ELP4: variants seen among roughly 807,000 people sequenced by gnomAD.
ELP4 encodes elongator acetyltransferase complex subunit 4.
A neutral mutation model predicts 48.9 loss-of-function variants in ELP4; 51 were observed. That is an observed-to-expected ratio of 1.04 (90% CI 0.83 to 1.32). The LOEUF (loss-of-function observed/expected upper bound fraction) is 1.32, where lower values mean the gene tolerates loss of function less well. Among genes scored for constraint, ELP4 ranks in the 40% most tolerant of loss-of-function variants. The pLI, the probability that ELP4 is intolerant of heterozygous loss-of-function variation, is 0.00. For synonymous variants in ELP4, 210 were observed against 189.2 expected, an observed-to-expected ratio of 1.11 and a Z score of -0.90; for missense variants, 519 against 514.6, an observed-to-expected ratio of 1.01 and a Z score of -0.08.
chr11:31,607,314 A>T lies in ELP4; in HGVS notation c.653+3407A>T, dbSNP rs551073312. On this transcript the variant is annotated intron_variant, in intron 5 of 9. Transcript: ENST00000640961. The stretch of plus-strand genomic sequence containing the variant: ...ACCTGAGACTCGGTAATTTATAAAG[A>T]GAGAAATTAAATATTGAACTTTCTA... Among the ~76,000 whole-genome samples, 151 of 152,338 alleles carry T rather than the reference A, an allele frequency of 9.9e-4. 1 individual carries two copies. Among genetic ancestry groups the T allele is most frequent in the African/African-American group, 3.4e-3 (143 of 41,580 alleles).
In ELP4 at chr11:31,783,555, T is replaced by G. The variant is rs773153861; in HGVS notation, c.*31T>G. On this transcript the variant is annotated 3_prime_UTR_variant, in exon 10 of 10. Transcript: ENST00000640961. ...CCTCCTTAGTCGCTGCATGCAGAAT[T>G]CTATGACACTCTAATTATGATTGCT... is the stretch of plus-strand genomic sequence containing the variant. 7 of 1,601,338 alleles carry G rather than the reference T, an allele frequency of 4.4e-6. No homozygotes were observed. The South Asian group carries it at 7.8e-5, about 18-fold the overall frequency.
At chr11:31,622,628 T>C (rs1944648222) in intron 5 of ELP4, among the ~76,000 whole-genome samples, 1 of 151,694 alleles carries the variant, frequency 6.6e-6, no homozygotes, top group Non-Finnish European at 1.5e-5. Context: ...ATGCAGTTTG[T>C]TGATAGGAAT....
intron 9 of ELP4, among the ~76,000 whole-genome samples, chr11:31,722,349 A>G (rs1946980677): frequency 6.6e-6 from 1 of 152,242 alleles, no homozygotes. Flanking sequence ...AGAGAATGAT[A>G]ATCTTGGAAA....
chr11:31,746,599 G>A (rs1470705316), intron 9 of ELP4, among the ~76,000 whole-genome samples: 4 of 152,154 alleles, frequency 2.6e-5, no homozygotes, highest in Non-Finnish European at 4.4e-5. Flanking sequence ...GGACATGGAT[G>A]AAACTGGATA....
chr11:31,593,496 T>A (rs918788783), intron 3 of ELP4, among the ~76,000 whole-genome samples: 1 of 152,044 alleles, frequency 6.6e-6, no homozygotes, highest in Non-Finnish European at 1.5e-5. Flanking sequence ...CCCCCCTACC[T>A]TGGCCTCCCA....
At chr11:31,705,129 A>T (rs1396072758) in intron 9 of ELP4, among the ~76,000 whole-genome samples, 1 of 152,218 alleles carries the variant, frequency 6.6e-6, no homozygotes, top group Non-Finnish European at 1.5e-5. Flanking sequence ...TGGGTAATTT[A>T]TAAAGAACAG....
chr11:31,549,211 G>A (rs1199843713), intron 3 of ELP4, among the ~76,000 whole-genome samples: 9 of 151,110 alleles, frequency 6.0e-5, no homozygotes, highest in Non-Finnish European at 8.9e-5. Context: ...CCCACAAAAT[G>A]GGAGAAAATT....
intron 9 of ELP4, among the ~76,000 whole-genome samples, chr11:31,718,150 T>C (rs964794022): frequency 7.2e-5 from 11 of 152,158 alleles, no homozygotes; most frequent in African/African-American, 2.4e-4. Flanking sequence ...TTTCTGAATA[T>C]AGGCAAATAG....
chr11:31,570,630 A>G (rs151218967), intron 3 of ELP4, among the ~76,000 whole-genome samples: 3 of 149,978 alleles, frequency 2.0e-5, no homozygotes, highest in Non-Finnish European at 3.0e-5. Context: ...ACCACACCCA[A>G]CTAATTTTTG....
chr11:31,688,516 T>C (rs1189900484), intron 9 of ELP4, among the ~76,000 whole-genome samples: 1 of 152,104 alleles, frequency 6.6e-6, no homozygotes, highest in Non-Finnish European at 1.5e-5. Flanking sequence ...TATATTGGAG[T>C]AGAGGAAATT....
At chr11:31,651,885 G>A (rs938992573) in intron 9 of ELP4, 1 of 151,698 alleles carries the variant, frequency 6.6e-6, no homozygotes, top group Admixed American at 6.6e-5. Flanking sequence ...CTCTTTCTCT[G>A]TCTCATTGAG....
rs1944725563 is a variant in ELP4, at chr11:31,625,559, T to TG, written c.654-1550dup. On this transcript the variant is annotated intron_variant, in intron 5 of 9. Coordinates refer to ENST00000640961, the MANE Select transcript of ELP4 (RefSeq NM_019040.5). ...ATGAAATAAGCCCAACACAGAAAGA[T>TG]GAATATTGCATGATCCCCTGTTATT... Among the ~76,000 whole-genome samples the TG allele has an allele frequency of 2.6e-5, 4 of 151,910 alleles. No individual in the cohort carries two copies. In the South Asian group the frequency reaches 8.3e-4, roughly 31 times the overall value.
chr11:31,519,597 G>T (rs1956178436), intron 1 of ELP4, among the ~76,000 whole-genome samples: 1 of 152,190 alleles, frequency 6.6e-6, no homozygotes, highest in African/African-American at 2.4e-5. Flanking sequence ...GCCCAAGGCA[G>T]GTGGATCACG....
At chr11:31,537,483 C>T (rs1956519990) in intron 2 of ELP4, among the ~76,000 whole-genome samples, 1 of 152,152 alleles carries the variant, frequency 6.6e-6, no homozygotes, top group South Asian at 2.1e-4. Flanking sequence ...GTATTAGTCC[C>T]TTCTCGCACT....
chr11:31,726,050 G>A (rs1947070179), intron 9 of ELP4, among the ~76,000 whole-genome samples: 1 of 152,120 alleles, frequency 6.6e-6, no homozygotes, highest in African/African-American at 2.4e-5. Context: ...GATAGACTTT[G>A]GCAAAATGAA....
At chr11:31,534,216 C>T (rs1565039536) in intron 2 of ELP4, among the ~76,000 whole-genome samples, 1 of 151,620 alleles carries the variant, frequency 6.6e-6, no homozygotes, top group Non-Finnish European at 1.5e-5. Flanking sequence ...TACTTTGATA[C>T]TTTGCTAATA....
chr11:31,774,295 C>T (rs1254970155), intron 9 of ELP4, among the ~76,000 whole-genome samples: 2 of 152,174 alleles, frequency 1.3e-5, no homozygotes, highest in African/African-American at 4.8e-5. Context: ...AGGCAATACC[C>T]TTAATCTTTT....
chr11:31,677,465 C>T (rs1470879015), intron 9 of ELP4, among the ~76,000 whole-genome samples: 2 of 152,080 alleles, frequency 1.3e-5, no homozygotes, highest in African/African-American at 4.8e-5. Flanking sequence ...CTGCCCACGC[C>T]CACGTAGCTA....
chr11:31,786,802 T>C lies in ELP4; in HGVS notation c.*3278T>C. The C allele has an allele frequency of 4.6e-6, 1 of 218,820 alleles. No individual in the cohort carries two copies. The highest frequency in any genetic ancestry group is 5.8e-5 in the Admixed American group (1 of 17,316). 13.6% of individuals were successfully genotyped at this position (218,820 alleles called of 1,614,324 possible). A position where few individuals can be genotyped will look rare whatever the true frequency, so the allele number is the denominator to read the frequency against. On this transcript the variant is annotated 3_prime_UTR_variant, in exon 10 of 10. Coordinates refer to ENST00000640961, the MANE Select transcript of ELP4 (RefSeq NM_019040.5). ...TAGAAATTCATTGCAGTAAAATGCA[T>C]TTTTTTACTTAGAGCAGTTTGAACG...
Sources: allele counts gnomAD v4.1 joint callset (sites outside exome capture counted in the v4.1 genomes callset), GRCh38; gene constraint gnomAD v4.1.1; transcripts MANE v1.5; gene names NCBI Gene and HGNC (gene_info 2026-07-23, HGNC 2026-07-21).